The following ATF1 variants were observed in gnomAD, a reference collection of about 807,000 sequenced individuals.
The protein encoded by ATF1 is activating transcription factor 1.
In ATF1, 16 loss-of-function variants were observed where a neutral mutation model predicts 34.7. The ratio of observed to expected loss-of-function variants is 0.46; its 90% CI spans 0.31 to 0.70. The LOEUF is 0.70. Ranked by LOEUF, ATF1 falls within the 30% of genes least tolerant of loss-of-function variation. ATF1 has a pLI of 0.05. For missense variants in ATF1, 255 were observed against 321.6 expected (o/e 0.79, Z 1.58); for synonymous variants, 105 against 113.1 (o/e 0.93, Z 0.46).
intron 3 of ATF1, among the ~76,000 whole-genome samples, chr12:50,803,717 G>A (rs991462147): frequency 6.6e-6 from 1 of 152,034 alleles, no homozygotes; most frequent in Admixed American, 6.6e-5. Flanking sequence ...AGTGATGAAT[G>A]GATAAACAAA....
intron 6 of ATF1, among the ~76,000 whole-genome samples, chr12:50,815,608 C>T (rs796607637): frequency 2.6e-5 from 4 of 151,282 alleles, no homozygotes; most frequent in African/African-American, 9.7e-5. Context: ...AGGCTGGTCT[C>T]AGACCTGGGC....
At chr12:50,805,575 A>C (rs1393693203) in intron 3 of ATF1, among the ~76,000 whole-genome samples, 1 of 151,882 alleles carries the variant, frequency 6.6e-6, no homozygotes, top group Non-Finnish European at 1.5e-5. Flanking sequence ...AAAAAAAAAA[A>C]AAAAAAACCT....
chr12:50,788,629 A>G (rs10735827), intron 2 of ATF1, among the ~76,000 whole-genome samples: 96,234 of 151,826 alleles, frequency 0.63, 30,760 homozygotes, highest in South Asian at 0.69. Context: ...GCTGGTTCCT[A>G]TTATTCACAG....
At chr12:50,812,689 C>T (rs531979875) in intron 4 of ATF1, among the ~76,000 whole-genome samples, 8 of 151,962 alleles carry the variant, frequency 5.3e-5, no homozygotes, top group African/African-American at 1.4e-4. Flanking sequence ...CTGAGCATGT[C>T]CGTGTGCATC....
chr12:50,766,795 G>A (rs1305827996), intron 1 of ATF1, among the ~76,000 whole-genome samples: 2 of 152,080 alleles, frequency 1.3e-5, no homozygotes, highest in Non-Finnish European at 2.9e-5. Context: ...AAGCTCTTCA[G>A]CTTCCCCACC....
chr12:50,819,127 C>T (rs1368778533), intron 6 of ATF1, among the ~76,000 whole-genome samples: 2 of 152,240 alleles, frequency 1.3e-5, no homozygotes, highest in Non-Finnish European at 2.9e-5. Context: ...GGCACAAAAA[C>T]ATGCCTATGC....
At chr12:50,773,410 A>G (rs536203812) in intron 1 of ATF1, among the ~76,000 whole-genome samples, 1 of 150,616 alleles carries the variant, frequency 6.6e-6, no homozygotes, top group African/African-American at 2.4e-5. Context: ...TTATTCTCCA[A>G]ACCTCGCCAA....
chr12:50,789,073 T>A (rs1485541387), intron 2 of ATF1, among the ~76,000 whole-genome samples: 1 of 152,034 alleles, frequency 6.6e-6, no homozygotes, highest in Non-Finnish European at 1.5e-5. Context: ...TAAATGAGGT[T>A]TTTTTTGTTG....
chr12:50,814,224 C>G (rs1181994896), intron 5 of ATF1, 32 bp downstream of exon 5: 20 of 1,613,288 alleles, frequency 1.2e-5, no homozygotes, highest in Non-Finnish European at 1.5e-5. Flanking sequence ...AGAAAGTCTC[C>G]TAACACTGTC....
At chr12:50,763,777 GC>G, upstream of ATF1, 1 of 151,894 alleles carries the variant, frequency 6.6e-6, no homozygotes, top group Non-Finnish European at 1.5e-5. Context: ...CGATGAAAAC[GC>G]CCCCCGCGAG....
intron 2 of ATF1, among the ~76,000 whole-genome samples, chr12:50,780,779 G>A (rs913010194): frequency 6.6e-6 from 1 of 151,982 alleles, no homozygotes; most frequent in African/African-American, 2.4e-5. Context: ...TGACCAACAT[G>A]GCGAAACCCT....
At chr12:50,799,480 T>A (rs1035152541) in intron 3 of ATF1, among the ~76,000 whole-genome samples, 1 of 152,042 alleles carries the variant, frequency 6.6e-6, no homozygotes, top group African/African-American at 2.4e-5. Context: ...CCAAAATTAC[T>A]TGGTATCAAA....
chr12:50,794,578 T>A (rs975014711), intron 2 of ATF1, among the ~76,000 whole-genome samples: 16 of 150,820 alleles, frequency 1.1e-4, no homozygotes, highest in African/African-American at 3.7e-4. Context: ...AAAAAAAAAA[T>A]TCAGATGAAG....
intron 1 of ATF1, among the ~76,000 whole-genome samples, chr12:50,768,015 G>A (rs948845584): frequency 6.6e-6 from 1 of 152,046 alleles, no homozygotes; most frequent in Non-Finnish European, 1.5e-5. Flanking sequence ...TGGGATTACA[G>A]GTGTGTGCCA....
intron 3 of ATF1, among the ~76,000 whole-genome samples, chr12:50,799,073 C>A (rs1941465551): frequency 6.6e-6 from 1 of 152,162 alleles, no homozygotes; most frequent in East Asian, 1.9e-4. Context: ...CTGGACACAA[C>A]CAGATTGATA....
At chr12:50,814,505 G>A (rs1224084224) in intron 6 of ATF1, 66 bp downstream of exon 6, 5 of 1,497,954 alleles carry the variant, frequency 3.3e-6, no homozygotes, top group African/African-American at 2.8e-5. Context: ...ATAACCAGAT[G>A]TTAACTGGAA....
intron 3 of ATF1, among the ~76,000 whole-genome samples, chr12:50,796,727 T>C (rs1275621418): frequency 6.6e-6 from 1 of 151,798 alleles, no homozygotes; most frequent in Non-Finnish European, 1.5e-5. Flanking sequence ...GTAAATTTAA[T>C]CTTTATCTTA....
intron 3 of ATF1, among the ~76,000 whole-genome samples, chr12:50,796,371 G>GTGAT (rs1244071576): frequency 2.0e-5 from 3 of 152,178 alleles, no homozygotes; most frequent in Non-Finnish European, 4.4e-5. Context: ...TCCAGCCTGG[G>GTGAT]TGATAGAGCA....
chr12:50,777,073 C>T (rs543967398), intron 1 of ATF1, among the ~76,000 whole-genome samples: 5 of 152,182 alleles, frequency 3.3e-5, no homozygotes, highest in Admixed American at 2.6e-4. Flanking sequence ...AGACTGATCT[C>T]GAACTCCTGA....
Sources: gnomAD v4.1 joint callset for allele counts (sites outside exome capture counted in the v4.1 genomes callset) on GRCh38, gnomAD v4.1.1 for gene constraint, MANE v1.5 for transcripts, NCBI Gene and HGNC (gene_info 2026-07-23, HGNC 2026-07-21) for gene names.